The following KIAA0586 variants were observed in gnomAD, a reference collection of about 807,000 sequenced individuals.
The protein encoded by KIAA0586 is KIAA0586.
Under a neutral mutation model 169.8 loss-of-function variants are expected in KIAA0586, and 144 were observed. The ratio of observed to expected loss-of-function variants is 0.85; its 90% CI spans 0.74 to 0.97. KIAA0586 has a LOEUF of 0.97. Ranked by LOEUF, KIAA0586 falls within the 50% of genes least tolerant of loss-of-function variation. The pLI, the probability that KIAA0586 is intolerant of heterozygous loss-of-function variation, is 0.00. For synonymous variants in KIAA0586, 625 were observed against 612.4 expected, an observed-to-expected ratio of 1.02 and a Z score of -0.30; for missense variants, 1,854 against 1,823.0, an observed-to-expected ratio of 1.02 and a Z score of -0.31.
At chr14:58,475,919 A>G (rs976673935) in intron 19 of KIAA0586, among the ~76,000 whole-genome samples, 2 of 151,980 alleles carry the variant, frequency 1.3e-5, no homozygotes, top group Non-Finnish European at 2.9e-5. Flanking sequence ...GACCAACATG[A>G]TGAAACCCCG....
chr14:58,474,983 C>T (rs572337017), intron 19 of KIAA0586, among the ~76,000 whole-genome samples, 186 bp downstream of exon 19: 1 of 152,240 alleles, frequency 6.6e-6, no homozygotes, highest in South Asian at 2.1e-4. Flanking sequence ...TGTTTTTGTC[C>T]TTGAATATTT....
At chr14:58,450,006 G>T (rs1048630882) in intron 7 of KIAA0586, among the ~76,000 whole-genome samples, 5 of 152,048 alleles carry the variant, frequency 3.3e-5, no homozygotes, top group African/African-American at 7.2e-5. Flanking sequence ...CACATAAAAA[G>T]ATTTGCCATA....
rs1335182559 is a variant in KIAA0586, at chr14:58,443,944, A to G, written c.586-10A>G. On this transcript the variant is annotated splice_polypyrimidine_tract_variant and intron_variant, in intron 5 of 30. Transcript: ENST00000652326. ...AATGTGAATTTTTAAAAATGTTTTT[A>G]TTGTTTTAGGTGCAGAGTGATTTGG... 4 of 1,530,248 alleles carry G rather than the reference A, an allele frequency of 2.6e-6. No homozygotes were observed. In the African/African-American group the frequency reaches 4.1e-5, roughly 16 times the overall value. 94.8% of individuals were successfully genotyped at this position (1,530,248 alleles called of 1,614,324 possible).
intron 21 of KIAA0586, among the ~76,000 whole-genome samples, chr14:58,485,849 A>C (rs372993639): frequency 1.5e-4 from 23 of 152,082 alleles, no homozygotes; most frequent in African/African-American, 5.6e-4. Context: ...GTGTGCAAAA[A>C]GGCTGATTTT....
chr14:58,521,047 T>TCTTC, intron 29 of KIAA0586: 20 of 387,898 alleles, frequency 5.2e-5, no homozygotes, highest in South Asian at 3.2e-4. Context: ...TGTGAAGAGA[T>TCTTC]GAAGACTGAG....
In KIAA0586 at chr14:58,490,249, C is replaced by T. The variant is rs775290562; in HGVS notation, c.3858+9C>T. On this transcript the variant is annotated intron_variant, in intron 25 of 30. Transcript: ENST00000652326. ...ATGATGCCGTTGAAATGGTAAGTAA[C>T]GATTGACTCCAACACTGAATTCTGA... 1.8e-5 allele frequency: 26 copies of T among 1,457,132 alleles called. No individual in the cohort carries two copies. Among genetic ancestry groups the T allele is most frequent in the Non-Finnish European group, 2.0e-5 (22 of 1,074,398 alleles). 90.3% of individuals were successfully genotyped at this position (1,457,132 alleles called of 1,614,324 possible).
At chr14:58,517,218 A>G (rs2141543088) in intron 29 of KIAA0586, among the ~76,000 whole-genome samples, 1 of 152,334 alleles carries the variant, frequency 6.6e-6, no homozygotes, top group East Asian at 1.9e-4. Flanking sequence ...AATATTTGCA[A>G]ATTTGCTTTC....
rs1425457941 is a variant in KIAA0586, at chr14:58,490,181, C to G, written c.3799C>G (p.Leu1267Val). 15 of 1,491,256 alleles carry G rather than the reference C, an allele frequency of 1.0e-5. No individual in the cohort carries two copies. The highest frequency in any genetic ancestry group is 1.4e-5 in the Non-Finnish European group (15 of 1,099,226). 92.4% of individuals were successfully genotyped at this position (1,491,256 alleles called of 1,614,324 possible). ...LAPKILEDIG[L>V]YLTNLNDSLS... ...ATTTCTAGTTTTAGAAGATATAGGA[C>G]TGTACCTGACAAACCTTAATGATAG... is the stretch of plus-strand genomic sequence containing the variant. The change falls in exon 25 of 31, where the codon CTG (leucine) becomes GTG (valine). Residue 1267 changes from leucine to valine, a missense_variant. Leu to Val is a conservative substitution (Grantham distance 32). Transcript: ENST00000652326.
At chr14:58,561,407 A>G in the KIAA0586 span, among the ~76,000 whole-genome samples, 3 of 152,354 alleles carry the variant, frequency 2.0e-5, no homozygotes, top group South Asian at 4.1e-4. Context: ...TTTGATACTC[A>G]TTAATGTTAA....
In KIAA0586 at chr14:58,482,518, G is replaced by A. The variant is rs2042106857; in HGVS notation, c.2950G>A (p.Gly984Arg). The part of the protein sequence containing the change: ...SEPLTSDIVE[G>R]TSSGALQLFV... ...TTTTTTTTTTTTACTTTTAGTGGAA[G>A]GAACAAGCAGTGGCGCCCTCCAGCT... Residue 984 changes from glycine (G) to arginine (R), a missense_variant, in exon 21 of 31, where the codon GGA becomes AGA. Physicochemically the swap from Gly to Arg is moderately radical, Grantham distance 125. Coordinates refer to ENST00000652326, the MANE Select transcript of KIAA0586 (RefSeq NM_001329943.3). 2.0e-6 allele frequency: 3 copies of A among 1,480,920 alleles called. No homozygotes were observed. Among genetic ancestry groups the A allele is most frequent in the South Asian group, 1.4e-5 (1 of 71,628 alleles). The allele number at this position is 1,480,920 out of a possible 1,614,324, so 91.7% of individuals were successfully genotyped here. A position where few individuals can be genotyped will look rare whatever the true frequency, so the allele number is the denominator to read the frequency against.
rs1446991421 is a variant in KIAA0586 at position 58,547,680 on chromosome 14, C to A, written c.4496-101C>A. 5.2e-6 allele frequency: 5 copies of A among 959,348 alleles called. No individual in the cohort carries two copies. The African/African-American group carries it at 6.6e-5, about 13-fold the overall frequency. The allele number at this position is 959,348 out of a possible 1,614,324, so 59.4% of individuals were successfully genotyped here. ...CTTGTAGGCAATCCTTATTTGGAAT[C>A]CGCGCCCCCCCACCCCAACCTCATA... On this transcript the variant is annotated intron_variant, in intron 30 of 30. Coordinates refer to ENST00000652326, the MANE Select transcript of KIAA0586 (RefSeq NM_001329943.3).
At chr14:58,430,404 T>C (rs1329658637) in intron 2 of KIAA0586, among the ~76,000 whole-genome samples, 1 of 152,222 alleles carries the variant, frequency 6.6e-6, no homozygotes, top group Admixed American at 6.5e-5. Context: ...ATCTCAGTGC[T>C]ACATTTGCTT....
At chr14:58,498,579 A>AT (rs2043326709) in intron 26 of KIAA0586, among the ~76,000 whole-genome samples, 2 of 152,324 alleles carry the variant, frequency 1.3e-5, no homozygotes, top group Admixed American at 1.3e-4. Context: ...TGAAATTATT[A>AT]TATTGAAAAC....
At position 58,456,743 on chromosome 14, in the gene KIAA0586, T is replaced by A; in HGVS notation, c.1295T>A (p.Met432Lys). Residue 432 changes from methionine to lysine, a missense_variant, in exon 10 of 31, where the codon ATG (methionine) becomes AAG (lysine). Met to Lys is a moderately conservative substitution (Grantham distance 95, BLOSUM62 -1). Transcript: ENST00000652326. ...GAGCTAGAAACAACTAAAGTGACTA[T>A]GCAGAAGTCTGATGATGTTCTTCAT... The part of the protein sequence containing the change: ...CEELETTKVT[M>K]QKSDDVLHDL... 6.2e-7 allele frequency: 1 copy of A among 1,606,218 alleles called. No homozygotes were observed. The highest frequency in any genetic ancestry group is 8.5e-7 in the Non-Finnish European group (1 of 1,175,846).
chr14:58,461,494 G>A (rs1654752555), intron 14 of KIAA0586, among the ~76,000 whole-genome samples: 1 of 151,856 alleles, frequency 6.6e-6, no homozygotes, highest in South Asian at 2.1e-4. Context: ...GAATGCAGTG[G>A]CACAATCATG....
chr14:58,482,165 C>T (rs1329712007), intron 20 of KIAA0586, among the ~76,000 whole-genome samples: 1 of 151,916 alleles, frequency 6.6e-6, no homozygotes, highest in African/African-American at 2.4e-5. Context: ...GTGGCTGTCG[C>T]CCGTAATACC....
chr14:58,479,777 T>C (rs1301899540), intron 20 of KIAA0586, among the ~76,000 whole-genome samples: 1 of 152,182 alleles, frequency 6.6e-6, no homozygotes, highest in African/African-American at 2.4e-5. Flanking sequence ...TACCATTTGT[T>C]GAAAAGATTA....
At chr14:58,524,874 C>T (rs1595484684) in intron 29 of KIAA0586, among the ~76,000 whole-genome samples, 1 of 152,268 alleles carries the variant, frequency 6.6e-6, no homozygotes, top group East Asian at 1.9e-4. Context: ...TGCCACCACA[C>T]CCAGCTATTT....
At chr14:58,494,521 T>C (rs2043040207) in intron 26 of KIAA0586, among the ~76,000 whole-genome samples, 1 of 152,036 alleles carries the variant, frequency 6.6e-6, no homozygotes, top group Non-Finnish European at 1.5e-5. Flanking sequence ...GTCTGAGAAT[T>C]TGGGTAAGGA....
Sources: allele counts gnomAD v4.1 joint callset (sites outside exome capture counted in the v4.1 genomes callset), GRCh38; gene constraint gnomAD v4.1.1; transcripts MANE v1.5; gene names NCBI Gene and HGNC (gene_info 2026-07-23, HGNC 2026-07-21).